ITGAV: variants seen among roughly 807,000 people sequenced by gnomAD.
ITGAV encodes the protein integrin subunit alpha V.
ITGAV carries 76 observed loss-of-function variants against 143.8 expected under a neutral mutation model. The observed-to-expected ratio is 0.53, with a 90% CI of 0.44 to 0.64. The LOEUF is 0.64. Among genes scored for constraint, ITGAV ranks in the 30% least tolerant of loss-of-function variants. The probability of loss-of-function intolerance (pLI) is 0.00; values close to 1 mark genes in which losing one functional copy is unlikely to be tolerated. For synonymous variants in ITGAV, 453 were observed against 446.7 expected (o/e 1.01, Z -0.18); for missense variants, 1,193 against 1,274.7 (o/e 0.94, Z 0.98).
chr2:186,673,978 A>C (rs902476245), intron 26 of ITGAV, among the ~76,000 whole-genome samples: 3 of 151,690 alleles, frequency 2.0e-5, no homozygotes, highest in Admixed American at 6.6e-5. Flanking sequence ...GTCTATTTTT[A>C]TTTTTATTTT....
Position 186,636,075 on chromosome 2 carries a change from T to A in ITGAV, c.632-7T>A. The A allele has an allele frequency of 4.3e-6, 7 of 1,611,186 alleles. No homozygotes were observed. Among genetic ancestry groups the A allele is most frequent in the Non-Finnish European group, 5.9e-6 (7 of 1,178,780 alleles). ...GTTATTTATTTTATATATACACCCTTTTTTAGGTCAGCTTATTTCGGATCA... is the reference window on the plus strand; with the variant it reads ...GTTATTTATTTTATATATACACCCTATTTTAGGTCAGCTTATTTCGGATCA... On this transcript the variant is annotated splice_region_variant and splice_polypyrimidine_tract_variant and intron_variant, in intron 6 of 29. Coordinates refer to ENST00000261023, the MANE Select transcript of ITGAV (RefSeq NM_002210.5).
rs144296458 is a variant in ITGAV, at chr2:186,643,706, T to G, written c.1159+2118T>G. ...ATGTGCAGTTTTTTATCAGTACTTTTCCAGAAAAAGCAGAGGAAAAAAAAG... is the reference window on the plus strand; with the variant it reads ...ATGTGCAGTTTTTTATCAGTACTTTGCCAGAAAAAGCAGAGGAAAAAAAAG... On this transcript the variant is annotated intron_variant, in intron 12 of 29. Transcript: ENST00000261023. Among the ~76,000 whole-genome samples, 1,491 of 152,152 alleles carry G rather than the reference T, an allele frequency of 9.8e-3. 21 individuals carry two copies. The highest frequency in any genetic ancestry group is 0.034 in the African/African-American group (1,419 of 41,480).
In ITGAV at chr2:186,649,879, T is replaced by C. The variant is rs1331410690; in HGVS notation, c.1391T>C (p.Leu464Ser). Residue 464 changes from leucine to serine, a missense_variant, in exon 14 of 30, where the codon TTA becomes TCA. By Grantham distance (145) the Leu-to-Ser change is moderately radical. Transcript: ENST00000261023. Reference protein sequence around the residue: ...VGAFGVDRAILYRARPVITVN... With the variant: ...VGAFGVDRAISYRARPVITVN... ...GCTTTTGGTGTAGATCGAGCTATCT[T>C]ATACAGGTGAGCATTTTCTGTATCC... The C allele has an allele frequency of 6.6e-7, 1 of 1,504,164 alleles. No homozygotes were observed. The highest frequency in any genetic ancestry group is 8.9e-7 in the Non-Finnish European group (1 of 1,124,810). 93.2% of individuals were successfully genotyped at this position (1,504,164 alleles called of 1,614,324 possible). A position where few individuals can be genotyped will look rare whatever the true frequency, so the allele number is the denominator to read the frequency against.
Position 186,666,756 on chromosome 2 carries a change from C to T in ITGAV, c.2219C>T (p.Ser740Phe). 6.3e-7 allele frequency: 1 copy of T among 1,583,874 alleles called. No individual in the cohort carries two copies. Among genetic ancestry groups the T allele is most frequent in the Non-Finnish European group, 8.6e-7 (1 of 1,167,458 alleles). The change falls in exon 22 of 30, where the codon TCT becomes TTT. Residue 740 changes from serine to phenylalanine, a missense_variant. Transcript: ENST00000261023. ...CACCAGCAGTCAGAGATGGATACTT[C>T]TGTGAAATTTGACTTACAAATCCAA... is the stretch of plus-strand genomic sequence containing the variant. ...SVHQQSEMDT[S>F]VKFDLQIQSS...
intron 21 of ITGAV, among the ~76,000 whole-genome samples, chr2:186,665,673 C>G (rs971603732): frequency 6.6e-6 from 1 of 152,132 alleles, no homozygotes; most frequent in Non-Finnish European, 1.5e-5. Context: ...TGCCCAGGAG[C>G]TTGAAAAGAA....
intron 7 of ITGAV, 36 bp from the exon 8 acceptor site, chr2:186,637,029 T>A: frequency 6.3e-7 from 1 of 1,589,282 alleles, no homozygotes; most frequent in Non-Finnish European, 8.6e-7. Context: ...ATAACGTCCT[T>A]GTCCTGATGG....
intron 25 of ITGAV, 115 bp from the exon 26 acceptor site, chr2:186,669,586 A>G: frequency 1.4e-6 from 1 of 690,824 alleles, no homozygotes; most frequent in Non-Finnish European, 2.5e-6. Context: ...ATATTCTGTC[A>G]TACTAAATTT....
intron 2 of ITGAV, among the ~76,000 whole-genome samples, chr2:186,602,888 A>G (rs959495903): frequency 3.4e-4 from 52 of 152,048 alleles, no homozygotes; most frequent in African/African-American, 1.2e-3. Context: ...AAAAAAAAAA[A>G]AAAAAAAGCA....
intron 4 of ITGAV, 31 bp downstream of exon 4, chr2:186,625,618 G>A: frequency 6.8e-7 from 1 of 1,462,036 alleles, no homozygotes; most frequent in Non-Finnish European, 9.6e-7. Flanking sequence ...CAGCTTTTAA[G>A]AAGAGGGGTG....
chr2:186,631,225 T>C (rs1237000941), intron 5 of ITGAV, among the ~76,000 whole-genome samples: 6 of 152,204 alleles, frequency 3.9e-5, no homozygotes, highest in Non-Finnish European at 5.9e-5. Flanking sequence ...AAGCTATCAA[T>C]GAGAGCTTTA....
intron 1 of ITGAV, among the ~76,000 whole-genome samples, chr2:186,597,365 T>C (rs897008720): frequency 2.0e-5 from 3 of 152,202 alleles, no homozygotes; most frequent in Admixed American, 2.0e-4. Flanking sequence ...AATTGGATGT[T>C]TAATAGAGGA....
At chr2:186,638,379 A>C in intron 9 of ITGAV, 30 bp from the exon 10 acceptor site, 1 of 1,606,912 alleles carries the variant, frequency 6.2e-7, no homozygotes, top group African/African-American at 1.3e-5. Context: ...ATTTTACCAG[A>C]TTTCACATAC....
At position 186,652,098 on chromosome 2, in the gene ITGAV, A is replaced by G. The variant is rs1345799078; in HGVS notation, c.1505+9A>G. On this transcript the variant is annotated intron_variant, in intron 15 of 29. Transcript: ENST00000261023. ...GCTCTCAAAGTTTCCTGGTAAGGGTATTTGTTTAATAATAGTTATTATTGT... is the reference window on the plus strand; with the variant it reads ...GCTCTCAAAGTTTCCTGGTAAGGGTGTTTGTTTAATAATAGTTATTATTGT... The G allele has an allele frequency of 3.4e-6, 5 of 1,470,688 alleles. No individual in the cohort carries two copies. The East Asian group carries it at 9.0e-5, about 27-fold the overall frequency. 91.1% of individuals were successfully genotyped at this position (1,470,688 alleles called of 1,614,324 possible). A position where few individuals can be genotyped will look rare whatever the true frequency, so the allele number is the denominator to read the frequency against.
intron 4 of ITGAV, among the ~76,000 whole-genome samples, chr2:186,629,919 A>G (rs2105696061): frequency 6.6e-6 from 1 of 152,208 alleles, no homozygotes; most frequent in East Asian, 1.9e-4. Context: ...ATTAAAATTA[A>G]TTTAAATTAA....
rs193173970 is a variant in ITGAV, at chr2:186,667,747, G to A, written c.2404G>A (p.Val802Ile). 8 of 1,610,512 alleles carry A rather than the reference G, an allele frequency of 5.0e-6. No individual in the cohort carries two copies. The East Asian group carries it at 1.8e-4, about 36-fold the overall frequency. ...GGAGAACCCTGAGACTGAAGAAGAT[G>A]TTGGGCCAGTTGTTCAGCACATCTA... ...HKENPETEED[V>I]GPVVQHIYEL... Residue 802 changes from valine (V) to isoleucine (I), a missense_variant, in exon 24 of 30, where the codon GTT (valine) becomes ATT (isoleucine). Val to Ile is a conservative substitution (Grantham distance 29). Coordinates refer to ENST00000261023, the MANE Select transcript of ITGAV (RefSeq NM_002210.5).
chr2:186,677,448 TCTC>T lies in ITGAV; in HGVS notation c.*159_*161del. ...AAATGAGAATTATATTTGTCAACCTTCTCCTTATAAATAAGTTCAGACATACAT... is the reference window on the plus strand; with the variant it reads ...AAATGAGAATTATATTTGTCAACCTTCTTATAAATAAGTTCAGACATACAT... On this transcript the variant is annotated 3_prime_UTR_variant, in exon 30 of 30. Transcript: ENST00000261023. The T allele has an allele frequency of 3.4e-6, 2 of 589,128 alleles. No individual in the cohort carries two copies. The highest frequency in any genetic ancestry group is 6.1e-6 in the Non-Finnish European group (2 of 328,514). 36.5% of individuals were successfully genotyped at this position (589,128 alleles called of 1,614,324 possible).
intron 2 of ITGAV, among the ~76,000 whole-genome samples, chr2:186,617,021 TTTTC>T (rs944843944): frequency 9.2e-4 from 111 of 120,130 alleles, no homozygotes; most frequent in African/African-American, 3.0e-3. Context: ...GATAGACATT[TTTTC>T]TTTCTTTTTT....
intron 2 of ITGAV, among the ~76,000 whole-genome samples, chr2:186,616,985 C>T (rs1337251987): frequency 6.7e-6 from 1 of 148,638 alleles, no homozygotes; most frequent in East Asian, 2.1e-4. Context: ...TGTGAATTGT[C>T]TATGAATGCA....
intron 2 of ITGAV, among the ~76,000 whole-genome samples, chr2:186,604,627 C>CT (rs1687006578): frequency 6.6e-6 from 1 of 152,106 alleles, no homozygotes; most frequent in Non-Finnish European, 1.5e-5. Flanking sequence ...CCATGGCAAC[C>CT]TCATTTATTA....
Sources: allele counts gnomAD v4.1 joint callset (sites outside exome capture counted in the v4.1 genomes callset), GRCh38; gene constraint gnomAD v4.1.1; transcripts MANE v1.5; gene names NCBI Gene and HGNC (gene_info 2026-07-23, HGNC 2026-07-21).